DNAH3: variants seen among roughly 807,000 people sequenced by gnomAD.
The protein encoded by DNAH3 is dynein axonemal heavy chain 3.
In DNAH3, 332 loss-of-function variants were observed where a neutral mutation model predicts 432.5. That is an observed-to-expected ratio of 0.77 (90% CI 0.70 to 0.84). DNAH3 has a LOEUF of 0.84. Among genes scored for constraint, DNAH3 ranks in the 40% least tolerant of loss-of-function variants. The probability of loss-of-function intolerance (pLI) is 0.00; values close to 1 mark genes in which losing one functional copy is unlikely to be tolerated. For synonymous variants in DNAH3, 1,956 were observed against 1,900.2 expected (o/e 1.03, Z -0.76); for missense variants, 4,861 against 5,114.0 (o/e 0.95, Z 1.51).
chr16:21,104,183 T>C, intron 16 of DNAH3: 1 of 289,484 alleles, frequency 3.5e-6, no homozygotes. Context: ...GGGGAGGCCG[T>C]TATAACATGC....
rs35285615 is a variant in DNAH3 at position 20,958,072 on chromosome 16, AT to A, written c.10826+1106del. On this transcript the variant is annotated intron_variant, in intron 54 of 61. Transcript: ENST00000261383. ...CAAATGATACCTGGAAAACAGTAGAATTTTTTTTTTTTTTTTTTGAGACAGG... is the reference window on the plus strand; with the variant it reads ...CAAATGATACCTGGAAAACAGTAGAATTTTTTTTTTTTTTTTTGAGACAGG... Among the ~76,000 whole-genome samples the A allele has an allele frequency of 4.6e-3, 635 of 138,006 alleles. 5 individuals are homozygous for A. The highest frequency in any genetic ancestry group is 0.038 in the South Asian group (161 of 4,250). The allele number at this position is 138,006 out of a possible 152,430, so 90.5% of individuals were successfully genotyped here.
At chr16:21,157,025 A>ACACACACACACACACACACAC (rs2092902716) in intron 1 of DNAH3, among the ~76,000 whole-genome samples, 1 of 151,372 alleles carries the variant, frequency 6.6e-6, no homozygotes, top group African/African-American at 2.4e-5. Context: ...ACACACACAC[A>ACACACACACACACACACACAC]ATCTTTTCCT....
At chr16:21,043,242 GCCACACTGA>G (rs1188950916) in intron 31 of DNAH3, among the ~76,000 whole-genome samples, 13 of 150,554 alleles carry the variant, frequency 8.6e-5, no homozygotes, top group African/African-American at 3.2e-4. Flanking sequence ...CTGAGGAGTC[GCCACACTGA>G]CTTCCACAAT....
Position 21,145,426 on chromosome 16 carries a change from G to A in DNAH3, c.223-20C>T. On this transcript the variant is annotated intron_variant, in intron 2 of 61. Transcript: ENST00000261383. The stretch of plus-strand genomic sequence containing the variant: ...GACAGTCTACGAGGTAAGAAGTGCA[G>A]AGTGAGACACAATGAGGAACATCTC... The A allele has an allele frequency of 6.3e-7, 1 of 1,597,750 alleles. No individual in the cohort carries two copies. The highest frequency in any genetic ancestry group is 8.6e-7 in the Non-Finnish European group (1 of 1,165,212).
intron 7 of DNAH3, among the ~76,000 whole-genome samples, chr16:21,132,807 C>A (rs1354029386): frequency 6.6e-6 from 1 of 151,992 alleles, no homozygotes; most frequent in Non-Finnish European, 1.5e-5. Flanking sequence ...TTGAATTAGA[C>A]AGTGGTAAGG....
chr16:21,130,271 A>G (rs1029668404), intron 7 of DNAH3, among the ~76,000 whole-genome samples: 2 of 151,112 alleles, frequency 1.3e-5, no homozygotes, highest in East Asian at 3.9e-4. Flanking sequence ...GGAAGAGCGG[A>G]AACTAATAAA....
At chr16:21,097,964 A>C (rs1206799999) in intron 17 of DNAH3, among the ~76,000 whole-genome samples, 1 of 152,198 alleles carries the variant, frequency 6.6e-6, no homozygotes, top group African/African-American at 2.4e-5. Context: ...AACAGTACCT[A>C]ACCCAAAGAT....
chr16:20,985,268 C>T lies in DNAH3; in HGVS notation c.7474G>A (p.Ala2492Thr), dbSNP rs755522120. 3.1e-6 allele frequency: 5 copies of T among 1,613,944 alleles called. No individual in the cohort carries two copies. The South Asian group carries it at 3.3e-5, about 11-fold the overall frequency. ...GATTCATCCTTGATCTGGTTGTCGG[C>T]GAAGAGGAACACGGTGCTCTTGGTG... The change falls in exon 48 of 62, where the codon GCC becomes ACC. Residue 2492 changes from alanine (A) to threonine (T), a missense_variant. Physicochemically the swap from Ala to Thr is moderately conservative, Grantham distance 58. Coordinates refer to ENST00000261383, the Ensembl canonical transcript of DNAH3.
intron 21 of DNAH3, among the ~76,000 whole-genome samples, chr16:21,073,409 T>A (rs903489164): frequency 2.0e-5 from 3 of 152,144 alleles, no homozygotes; most frequent in Non-Finnish European, 4.4e-5. Context: ...AAGCTGATCA[T>A]GCAGCCACGC....
chr16:21,104,161 A>C (rs1316281199), intron 16 of DNAH3: 1 of 256,984 alleles, frequency 3.9e-6, no homozygotes, highest in Non-Finnish European at 7.6e-6. Flanking sequence ...TGACAATTTC[A>C]CTATTATTAT....
rs138095503 is a variant in DNAH3, at chr16:20,987,886, G to A, written c.6726-37C>T. 3.7e-6 allele frequency: 6 copies of A among 1,613,956 alleles called. No individual in the cohort carries two copies. The African/African-American group carries it at 5.3e-5, about 14-fold the overall frequency. ...AGGGATGGCACAGTAGTCAAGGAGG[G>A]GCCAGAAACTGAGAACCCCCAGCCC... On this transcript the variant is annotated intron_variant, in intron 45 of 61. Transcript: ENST00000261383.
chr16:20,986,176 CATA>C (rs974577934), intron 47 of DNAH3, among the ~76,000 whole-genome samples: 3 of 149,178 alleles, frequency 2.0e-5, no homozygotes, highest in Non-Finnish European at 3.0e-5. Flanking sequence ...GTTTTTTAAA[CATA>C]ATATGTGGAT....
chr16:21,152,271 A>G (rs1481070764), intron 1 of DNAH3, among the ~76,000 whole-genome samples: 1 of 152,182 alleles, frequency 6.6e-6, no homozygotes, highest in African/African-American at 2.4e-5. Flanking sequence ...TGAGAGATAC[A>G]TAACTTTCCT....
intron 5 of DNAH3, 66 bp downstream of exon 6, chr16:21,140,470 T>C: frequency 1.3e-6 from 2 of 1,513,132 alleles, no homozygotes; most frequent in South Asian, 1.2e-5. Flanking sequence ...TCCCTGAATT[T>C]AGAATCACTG....
intron 34 of DNAH3, 27 bp downstream of exon 34, chr16:21,037,734 C>T (rs370933264): frequency 8.8e-6 from 14 of 1,598,262 alleles, no homozygotes; most frequent in South Asian, 3.3e-5. Context: ...CCTTGGTCCT[C>T]GGCCAAGGTC....
rs750688572 is a variant in DNAH3 at position 21,070,733 on chromosome 16, T to C, written c.3178A>G (p.Lys1060Glu). ...ACCCGGCATTCTGCTTCTATTGGTT[T>C]GATGAATGGGGAGCCACACATGGTC... Residue 1060 changes from lysine to glutamate, a missense_variant, in exon 22 of 62, where the codon AAA becomes GAA. By Grantham distance (56) the Lys-to-Glu change is moderately conservative (BLOSUM62 1). Coordinates refer to ENST00000261383, the Ensembl canonical transcript of DNAH3. The C allele has an allele frequency of 1.2e-6, 2 of 1,611,774 alleles. No homozygotes were observed. Among genetic ancestry groups the C allele is most frequent in the South Asian group, 2.2e-5 (2 of 91,024 alleles).
intron 49 of DNAH3, among the ~76,000 whole-genome samples, chr16:20,980,207 T>TA (rs1389424993): frequency 9.1e-6 from 1 of 110,156 alleles, no homozygotes; most frequent in Non-Finnish European, 1.9e-5. Context: ...TATATATTTA[T>TA]TTATATTATT....
At chr16:20,972,366 G>A (rs1481498127) in intron 51 of DNAH3, among the ~76,000 whole-genome samples, 5 of 151,860 alleles carry the variant, frequency 3.3e-5, no homozygotes, top group South Asian at 2.1e-4. Flanking sequence ...AGCTAAGACC[G>A]CAGGTGTGCT....
chr16:21,033,520 A>G (rs2089001384), intron 36 of DNAH3, among the ~76,000 whole-genome samples: 1 of 152,170 alleles, frequency 6.6e-6, no homozygotes, highest in African/African-American at 2.4e-5. Context: ...AGTCTGATTC[A>G]AAAGCAGGAG....
Sources: allele counts gnomAD v4.1 joint callset (sites outside exome capture counted in the v4.1 genomes callset), GRCh38; gene constraint gnomAD v4.1.1; transcripts MANE v1.5; gene names NCBI Gene and HGNC (gene_info 2026-07-23, HGNC 2026-07-21).